Variants in DMD observed in about 807,000 individuals in gnomAD.
DMD encodes dystrophin.
Under a neutral mutation model 330.1 loss-of-function variants are expected in DMD, and 63 were observed. The observed-to-expected ratio is 0.19, with a 90% CI of 0.16 to 0.24. The LOEUF (loss-of-function observed/expected upper bound fraction) is 0.24. Ranked by LOEUF, DMD falls within the 10% of genes least tolerant of loss-of-function variation. The probability of loss-of-function intolerance (pLI) is 1.00; values close to 1 mark genes in which losing one functional copy is unlikely to be tolerated. For synonymous variants in DMD, 1,223 were observed against 959.8 expected (o/e 1.27, Z -5.07); for missense variants, 3,344 against 2,684.1 (o/e 1.25, Z -5.43).
chrX:32,848,403 A>G (rs958761806), intron 3 of DMD, among the ~76,000 whole-genome samples: 2 of 111,900 alleles, frequency 1.8e-5, no homozygotes, highest in Non-Finnish European at 3.8e-5. Context: ...TAACTAGTGA[A>G]ATTAAGACCA....
chrX:32,193,259 G>C (rs1466171858), intron 44 of DMD, among the ~76,000 whole-genome samples: 1 of 111,587 alleles, frequency 9.0e-6, no homozygotes, highest in African/African-American at 3.3e-5. Context: ...CCCAGTCTCA[G>C]GTATTTCTTT....
chrX:32,001,137 C>T (rs1877918336), intron 44 of DMD, among the ~76,000 whole-genome samples: 1 of 111,205 alleles, frequency 9.0e-6, no homozygotes. Flanking sequence ...AACGGGAGTA[C>T]AAGGAAACTT....
intron 1 of DMD, among the ~76,000 whole-genome samples, chrX:33,023,135 C>A (rs1353822641): frequency 9.0e-6 from 1 of 111,683 alleles, no homozygotes; most frequent in Non-Finnish European, 1.9e-5. Context: ...ATCCAAAAAT[C>A]AATCAAAATT....
intron 52 of DMD, among the ~76,000 whole-genome samples, chrX:31,699,796 G>C: frequency 1.8e-5 from 2 of 111,833 alleles, no homozygotes; most frequent in Middle Eastern, 4.6e-3. Flanking sequence ...GAAGTAAAGT[G>C]ATACAACAAA....
intron 12 of DMD, among the ~76,000 whole-genome samples, chrX:32,604,645 C>A (rs2056524411): frequency 9.1e-6 from 1 of 110,203 alleles, no homozygotes; most frequent in African/African-American, 3.3e-5. Flanking sequence ...GATTTTACAT[C>A]TAGAAAACCC....
chrX:32,779,523 T>C (rs1444346938), intron 7 of DMD, among the ~76,000 whole-genome samples: 1 of 110,148 alleles, frequency 9.1e-6, no homozygotes, highest in Non-Finnish European at 1.9e-5. Flanking sequence ...ATTTTACAGA[T>C]GTTCCCCCTT....
At chrX:32,849,114 A>G (rs904576693) in intron 3 of DMD, among the ~76,000 whole-genome samples, 3 of 111,283 alleles carry the variant, frequency 2.7e-5, no homozygotes, top group African/African-American at 9.8e-5. Flanking sequence ...GGGGGCTTAA[A>G]CTCTACTTTT....
intron 1 of DMD, among the ~76,000 whole-genome samples, chrX:33,057,825 T>A (rs2094535461): frequency 8.9e-6 from 1 of 112,153 alleles, no homozygotes; most frequent in Non-Finnish European, 1.9e-5. Flanking sequence ...AAGTAGCAGG[T>A]TTTTATTACT....
chrX:31,825,360 T>C (rs1311795600), intron 49 of DMD, among the ~76,000 whole-genome samples: 1 of 111,780 alleles, frequency 8.9e-6, no homozygotes. Flanking sequence ...AAATCACCTA[T>C]ATGTGCTGAG....
intron 1 of DMD, among the ~76,000 whole-genome samples, chrX:33,050,140 ATGTT>A (rs1345479867): frequency 1.8e-5 from 2 of 111,589 alleles, no homozygotes; most frequent in African/African-American, 6.5e-5. Context: ...ATTCTATTGG[ATGTT>A]TGTTATGTTT....
At chrX:31,697,171 G>A (rs2083495287) in intron 52 of DMD, among the ~76,000 whole-genome samples, 1 of 111,331 alleles carries the variant, frequency 9.0e-6, no homozygotes, top group Non-Finnish European at 1.9e-5. Flanking sequence ...CCACACTTGC[G>A]ACACTTCACC....
At chrX:32,811,451 A>C (rs2077364329) in intron 6 of DMD, among the ~76,000 whole-genome samples, 1 of 112,034 alleles carries the variant, frequency 8.9e-6, no homozygotes, top group Non-Finnish European at 1.9e-5. Context: ...TATTTAACGT[A>C]TTATATAATT....
At chrX:32,692,270 A>C (rs1028188991) in intron 9 of DMD, among the ~76,000 whole-genome samples, 28 of 112,189 alleles carry the variant, frequency 2.5e-4, no homozygotes, top group Non-Finnish European at 4.3e-4. Flanking sequence ...TTAAAATTCT[A>C]CTCAGAAGTC....
rs112593027 is a variant in DMD, at chrX:32,882,197, G to A, written c.94-32377C>T. Among the ~76,000 whole-genome samples the A allele has an allele frequency of 4.3e-3, 481 of 111,753 alleles. 7 individuals carry two copies. The East Asian group carries it at 0.062, about 14-fold the overall frequency. On this transcript the variant is annotated intron_variant, in intron 2 of 78. Coordinates refer to ENST00000357033, the MANE Select transcript of DMD (RefSeq NM_004006.3). ...CAGAGAGGGTAGCACCAGCCACGTAGCAGCCCCCTACTCAGACCTGAGCTC... is the reference window on the plus strand; with the variant it reads ...CAGAGAGGGTAGCACCAGCCACGTAACAGCCCCCTACTCAGACCTGAGCTC...
At chrX:32,312,941 C>CAAAAA (rs1171543953) in intron 41 of DMD, among the ~76,000 whole-genome samples, 13 of 19,197 alleles carry the variant, frequency 6.8e-4, no homozygotes, top group Non-Finnish European at 1.1e-3. Flanking sequence ...AGCCTACGAA[C>CAAAAA]CAAAAAAAAA....
At chrX:31,644,629 C>G (rs1399233033) in intron 54 of DMD, among the ~76,000 whole-genome samples, 1 of 112,023 alleles carries the variant, frequency 8.9e-6, no homozygotes, top group African/African-American at 3.2e-5. Flanking sequence ...GAGCAGAACC[C>G]AGCGCAAGCA....
At position 31,357,780 on chromosome X, in the gene DMD, G is replaced by A. The variant is rs138071425; in HGVS notation, c.9085-9146C>T. Among the ~76,000 whole-genome samples, 52 of 111,569 alleles carry A rather than the reference G, an allele frequency of 4.7e-4. No homozygotes were observed. The East Asian group carries it at 0.011, about 25-fold the overall frequency. Reference sequence around the variant, plus strand: ...CTCCTCTGGCAAGTGACTGAAAAGCGCCTTTCTTTTCTCTCACTGATGCAG... The same window carrying A: ...CTCCTCTGGCAAGTGACTGAAAAGCACCTTTCTTTTCTCTCACTGATGCAG... On this transcript the variant is annotated intron_variant, in intron 60 of 78. Coordinates refer to ENST00000357033, the MANE Select transcript of DMD (RefSeq NM_004006.3).
At chrX:32,879,139 G>A (rs1281287404) in intron 2 of DMD, among the ~76,000 whole-genome samples, 2 of 111,091 alleles carry the variant, frequency 1.8e-5, no homozygotes, top group Non-Finnish European at 3.8e-5. Flanking sequence ...ATCTGTTACC[G>A]TTATTCTCCC....
At chrX:31,899,324 T>G (rs1166765056) in intron 47 of DMD, among the ~76,000 whole-genome samples, 1 of 90,778 alleles carries the variant, frequency 1.1e-5, no homozygotes, top group East Asian at 3.1e-4. Context: ...GATCTAGTCT[T>G]TTGAAGAACA....
Sources: gnomAD v4.1 joint callset for allele counts (sites outside exome capture counted in the v4.1 genomes callset) on GRCh38, gnomAD v4.1.1 for gene constraint, MANE v1.5 for transcripts, NCBI Gene and HGNC (gene_info 2026-07-23, HGNC 2026-07-21) for gene names.